Variants in TAB2 observed in about 807,000 individuals in gnomAD.
The protein encoded by TAB2 is TGF-beta-activated kinase 1 and MAP3K7-binding protein 2.
Under a neutral mutation model 65.0 loss-of-function variants are expected in TAB2, and 3 were observed. That is an observed-to-expected ratio of 0.05 (90% CI 0.02 to 0.12). The LOEUF is 0.12. TAB2 is among the 10% of genes least tolerant of loss of function. TAB2 has a pLI of 1.00. For missense variants in TAB2, 623 were observed against 840.3 expected (o/e 0.74, Z 3.20); for synonymous variants, 298 against 285.1 (o/e 1.05, Z -0.46).
intron 1 of TAB2, chr6:149,321,445 T>G (rs1027498727): frequency 6.6e-6 from 1 of 152,214 alleles, no homozygotes; most frequent in Non-Finnish European, 1.5e-5. Context: ...ATCACTAAAC[T>G]TGACTGATCT....
At chr6:149,402,833 A>C (rs930416821) in intron 6 of TAB2, among the ~76,000 whole-genome samples, 1 of 152,228 alleles carries the variant, frequency 6.6e-6, no homozygotes, top group Non-Finnish European at 1.5e-5. Flanking sequence ...TACACAAATC[A>C]GTTAATGTGA....
At chr6:149,403,259 T>C (rs1479838831) in intron 6 of TAB2, among the ~76,000 whole-genome samples, 1 of 36,228 alleles carries the variant, frequency 2.8e-5, no homozygotes, top group African/African-American at 1.7e-4. Context: ...TATATATATA[T>C]ATATATATAT....
chr6:149,283,333 T>C (rs1778610338), intron 1 of TAB2, among the ~76,000 whole-genome samples: 1 of 152,212 alleles, frequency 6.6e-6, no homozygotes, highest in African/African-American at 2.4e-5. Flanking sequence ...CTTCATATGA[T>C]ATGACAGGAA....
At chr6:149,252,568 G>A (rs1777884184) in intron 1 of TAB2, among the ~76,000 whole-genome samples, 2 of 152,034 alleles carry the variant, frequency 1.3e-5, no homozygotes, top group South Asian at 4.1e-4. Flanking sequence ...AAAAACTTTG[G>A]TATTTTGCTC....
At position 149,411,345 on chromosome 6, in the gene TAB2, G is replaced by A. The variant is rs1782856786; in HGVS notation, c.*1626G>A. On this transcript the variant is annotated 3_prime_UTR_variant, in exon 7 of 7. Coordinates refer to ENST00000637181, the MANE Select transcript of TAB2 (RefSeq NM_001292034.3). ...CCCTAACTTTCAGGCTTTGCATTTT[G>A]TATATGGGAAGAAATATGACAATCC... is the stretch of plus-strand genomic sequence containing the variant. The A allele has an allele frequency of 6.6e-6, 1 of 152,466 alleles. No individual in the cohort carries two copies. The highest frequency in any genetic ancestry group is 1.5e-5 in the Non-Finnish European group (1 of 68,010). The allele number at this position is 152,466 out of a possible 1,614,324, so 9.4% of individuals were successfully genotyped here. A position where few individuals can be genotyped will look rare whatever the true frequency, so the allele number is the denominator to read the frequency against.
chr6:149,341,750 G>C (rs1036503793), intron 1 of TAB2, among the ~76,000 whole-genome samples: 7 of 151,956 alleles, frequency 4.6e-5, no homozygotes, highest in African/African-American at 1.7e-4. Context: ...GGAAATGCAG[G>C]GAATTCAGTT....
intron 1 of TAB2, among the ~76,000 whole-genome samples, chr6:149,231,868 A>C (rs768968708): frequency 1.8e-4 from 27 of 152,174 alleles, no homozygotes; most frequent in Non-Finnish European, 3.8e-4. Flanking sequence ...CTTTGGAAGC[A>C]AAAAAGAGAG....
chr6:149,347,664 G>C (rs1780348517), intron 1 of TAB2, among the ~76,000 whole-genome samples: 3 of 152,000 alleles, frequency 2.0e-5, no homozygotes, highest in Non-Finnish European at 2.9e-5. Context: ...AGTAAAGTTT[G>C]CTTTGCCTTG....
intron 1 of TAB2, among the ~76,000 whole-genome samples, chr6:149,284,645 TACACACAC>T (rs59723819): frequency 0.025 from 3,601 of 141,580 alleles, 81 homozygotes; most frequent in Middle Eastern, 0.043. Flanking sequence ...ATGATCTCTT[TACACACAC>T]ACACACACAC....
At chr6:149,303,001 A>G (rs994744876) in intron 1 of TAB2, among the ~76,000 whole-genome samples, 4 of 152,174 alleles carry the variant, frequency 2.6e-5, no homozygotes, top group African/African-American at 9.7e-5. Flanking sequence ...AGGAGCACGA[A>G]CCCTATTGTG....
chr6:149,326,473 T>C (rs185827637), intron 1 of TAB2, among the ~76,000 whole-genome samples: 6 of 152,148 alleles, frequency 3.9e-5, no homozygotes, highest in Admixed American at 3.3e-4. Context: ...CCATTAATCA[T>C]TGGATAAATG....
At chr6:149,397,811 A>G (rs747150895) in intron 4 of TAB2, 47 bp downstream of exon 4, 2 of 1,604,810 alleles carry the variant, frequency 1.2e-6, no homozygotes, top group African/African-American at 1.3e-5. Context: ...ACATGAGAGT[A>G]GGCCATCTAA....
intron 1 of TAB2, among the ~76,000 whole-genome samples, chr6:149,308,520 A>G (rs1181073542): frequency 1.9e-5 from 1 of 51,502 alleles, no homozygotes; most frequent in Non-Finnish European, 3.9e-5. Context: ...TTATTTATTT[A>G]CTTATTTATT....
intron 1 of TAB2, among the ~76,000 whole-genome samples, chr6:149,269,409 TC>T (rs1381064830): frequency 6.6e-6 from 1 of 152,208 alleles, no homozygotes; most frequent in African/African-American, 2.4e-5. Context: ...ACTATATTAT[TC>T]TTTTTTCCTT....
At chr6:149,239,805 C>T (rs1268131590) in intron 1 of TAB2, among the ~76,000 whole-genome samples, 2 of 152,188 alleles carry the variant, frequency 1.3e-5, no homozygotes, top group Non-Finnish European at 2.9e-5. Context: ...CCTAGAGACA[C>T]AACACTGAAC....
At chr6:149,285,216 T>C (rs1778654976) in intron 1 of TAB2, among the ~76,000 whole-genome samples, 1 of 152,178 alleles carries the variant, frequency 6.6e-6, no homozygotes, top group South Asian at 2.1e-4. Flanking sequence ...TTCAACAGGG[T>C]ATGGGGTAGT....
intron 1 of TAB2, among the ~76,000 whole-genome samples, chr6:149,340,837 A>T (rs1780098031): frequency 6.6e-6 from 1 of 152,180 alleles, no homozygotes; most frequent in South Asian, 2.1e-4. Context: ...CAGAGAATAC[A>T]CTTAAAACAA....
chr6:149,222,192 C>G (rs892231701), intron 1 of TAB2, among the ~76,000 whole-genome samples: 1 of 152,210 alleles, frequency 6.6e-6, no homozygotes, highest in Non-Finnish European at 1.5e-5. Flanking sequence ...CTTACACCAT[C>G]GGCCTCTCTG....
intron 1 of TAB2, among the ~76,000 whole-genome samples, chr6:149,355,667 C>CAA (rs10534200): frequency 9.0e-5 from 11 of 121,612 alleles, no homozygotes; most frequent in African/African-American, 1.2e-4. Context: ...AACTCCATCT[C>CAA]AAAAAAAAAA....
Sources: allele counts gnomAD v4.1 joint callset (sites outside exome capture counted in the v4.1 genomes callset), GRCh38; gene constraint gnomAD v4.1.1; transcripts MANE v1.5; gene names NCBI Gene and HGNC (gene_info 2026-07-23, HGNC 2026-07-21).